The following SPNS2 variants were observed in gnomAD, a reference collection of about 807,000 sequenced individuals.
SPNS2 encodes SPNS lysolipid transporter 2, sphingosine-1-phosphate, also known as sphingosine-1-phosphate transporter SPNS2.
Under a neutral mutation model 57.6 loss-of-function variants are expected in SPNS2, and 37 were observed. The observed-to-expected ratio is 0.64, with a 90% CI of 0.49 to 0.85. SPNS2 has a LOEUF of 0.85. Among genes scored for constraint, SPNS2 ranks in the 40% least tolerant of loss-of-function variants. The pLI is 0.00. For missense variants in SPNS2, 831 were observed against 779.1 expected, an observed-to-expected ratio of 1.07 and a Z score of -0.79; for synonymous variants, 440 against 346.9, an observed-to-expected ratio of 1.27 and a Z score of -2.98.
Position 4,538,131 on chromosome 17 carries a change from C to T in SPNS2, c.*683C>T, listed in dbSNP as rs1169232071. 2.0e-5 allele frequency: 6 copies of T among 303,078 alleles called. No individual in the cohort carries two copies. Among genetic ancestry groups the T allele is most frequent in the Non-Finnish European group, 3.3e-5 (5 of 152,902 alleles). 18.8% of individuals were successfully genotyped at this position (303,078 alleles called of 1,614,324 possible). The stretch of plus-strand genomic sequence containing the variant: ...GATGGGGACTGTTCTGACAAGCTGG[C>T]ATCACCAGGGGTGAAGGCCCTGGCT... On this transcript the variant is annotated 3_prime_UTR_variant, in exon 13 of 13. Coordinates refer to ENST00000329078, the MANE Select transcript of SPNS2 (RefSeq NM_001124758.3).
rs536591481 is a variant in SPNS2 at position 4,512,663 on chromosome 17, T to C, written c.371-584T>C. On this transcript the variant is annotated intron_variant, in intron 1 of 12. Coordinates refer to ENST00000329078, the MANE Select transcript of SPNS2 (RefSeq NM_001124758.3). This position sits in a 1 kb window ranked among gnomAD's most constrained non-coding sequence, Gnocchi z 5.2. ...GTGTGTGCGTGCGCGCGCACGGGTA[T>C]GTGTGTGCGCGCGTGGGTGTGTATG... is the stretch of plus-strand genomic sequence containing the variant. 1.9e-4 allele frequency among the ~76,000 whole-genome samples: 29 copies of C among 150,872 alleles called. No homozygotes were observed. The highest frequency in any genetic ancestry group is 6.1e-4 in the African/African-American group (25 of 41,172).
At chr17:4,519,475 A>T (rs1256811419) in intron 2 of SPNS2, among the ~76,000 whole-genome samples, 2 of 151,988 alleles carry the variant, frequency 1.3e-5, no homozygotes, top group African/African-American at 2.4e-5. Flanking sequence ...AGGAGGAGGG[A>T]GTGAGGCCCT....
rs1318513142 is a variant in SPNS2, at chr17:4,512,100, G to A, written c.371-1147G>A. ...TTCGGCAAACCATCATCTGTTGAAT[G>A]CTGCCATCATCATCGTCATCATGAA... On this transcript the variant is annotated intron_variant, in intron 1 of 12. Transcript: ENST00000329078. The surrounding 1 kb of genome is among the most constrained non-coding windows in gnomAD (Gnocchi z 5.2). 1.3e-5 allele frequency among the ~76,000 whole-genome samples: 2 copies of A among 152,216 alleles called. No individual in the cohort carries two copies. The highest frequency in any genetic ancestry group is 4.8e-5 in the African/African-American group (2 of 41,442).
In SPNS2 at chr17:4,499,732, GTC is replaced by G. The variant is rs1045933910; in HGVS notation, c.370+321_370+322del. 7.9e-5 allele frequency: 19 copies of G among 240,980 alleles called. No homozygotes were observed. The highest frequency in any genetic ancestry group is 3.4e-4 in the African/African-American group (14 of 41,178). The allele number at this position is 240,980 out of a possible 1,614,324, so 14.9% of individuals were successfully genotyped here. ...CCTCCTCTCCAAGAGTCTCCTCTGC[GTC>G]TCTCTGTCTCCTTGTCTCTGCGCCC... On this transcript the variant is annotated intron_variant, in intron 1 of 12. Transcript: ENST00000329078. The surrounding 1 kb of genome is among the most constrained non-coding windows in gnomAD (Gnocchi z 5.2).
At chr17:4,532,397 A>G (rs928897868) in intron 5 of SPNS2, 145 bp from the exon 6 acceptor site, 2 of 1,220,282 alleles carry the variant, frequency 1.6e-6, no homozygotes, top group Non-Finnish European at 2.3e-6. Context: ...TTTTCTCAGC[A>G]GCCCAATTAG....
chr17:4,505,736 G>T (rs4790199), intron 1 of SPNS2, among the ~76,000 whole-genome samples: 90,311 of 151,736 alleles, frequency 0.6, 27,532 homozygotes, highest in Non-Finnish European at 0.67. Context: ...GAGAGGAGAG[G>T]AGAGCATCGG....
At chr17:4,515,826 G>A (rs1009531374) in intron 2 of SPNS2, among the ~76,000 whole-genome samples, 7 of 152,248 alleles carry the variant, frequency 4.6e-5, no homozygotes, top group Non-Finnish European at 1.0e-4. Context: ...CAGGAGACAG[G>A]GAGTGGGGGT....
At chr17:4,501,074 G>A (rs1225488398) in intron 1 of SPNS2, among the ~76,000 whole-genome samples, 1 of 152,208 alleles carries the variant, frequency 6.6e-6, no homozygotes, top group Non-Finnish European at 1.5e-5. Context: ...AAAGGCTTCT[G>A]TACACAGATA....
At chr17:4,525,245 G>A (rs78412357) in intron 3 of SPNS2, 52 bp downstream of exon 3, 58 of 1,597,654 alleles carry the variant, frequency 3.6e-5, no homozygotes, top group East Asian at 2.5e-4. Context: ...TCCCTCCAGC[G>A]AGTGGCTAGT....
chr17:4,533,032 G>T lies in SPNS2; in HGVS notation c.991G>T (p.Ala331Ser). Residue 331 changes from alanine to serine, a missense_variant, in exon 7 of 13, where the codon GCC (alanine) becomes TCC (serine). By Grantham distance (99) the Ala-to-Ser change is moderately conservative (BLOSUM62 1). Around this residue, in one of 2 missense-constraint regions of SPNS2, gnomAD observed 526 missense variants for 400.9 expected, o/e 1.31. Transcript: ENST00000329078. ...ATSAVSFATGALGMWIPLYLH... is the reference protein window; with the variant it reads ...ATSAVSFATGSLGMWIPLYLH... ...GTCGGCTGTCTCCTTCGCCACGGGGGCCCTGGGCATGTGGATCCCGCTCTA... is the reference window on the plus strand; with the variant it reads ...GTCGGCTGTCTCCTTCGCCACGGGGTCCCTGGGCATGTGGATCCCGCTCTA... The T allele has an allele frequency of 6.2e-7, 1 of 1,613,380 alleles. No homozygotes were observed. Among genetic ancestry groups the T allele is most frequent in the South Asian group, 1.1e-5 (1 of 91,068 alleles).
intron 1 of SPNS2, among the ~76,000 whole-genome samples, chr17:4,507,457 G>A (rs1041229046): frequency 6.6e-6 from 1 of 152,246 alleles, no homozygotes; most frequent in African/African-American, 2.4e-5. Flanking sequence ...GACCTACTAT[G>A]TGCCAGGCAC....
In SPNS2 at chr17:4,538,110, G is replaced by C. The variant is rs1000674718; in HGVS notation, c.*662G>C. ...GCTCCCAGCCTGGAGGTCCCAGATG[G>C]GGACTGTTCTGACAAGCTGGCATCA... is the stretch of plus-strand genomic sequence containing the variant. On this transcript the variant is annotated 3_prime_UTR_variant, in exon 13 of 13. Transcript: ENST00000329078. 1 of 330,308 alleles carries C rather than the reference G, an allele frequency of 3.0e-6. No individual in the cohort carries two copies. Among genetic ancestry groups the C allele is most frequent in the African/African-American group, 2.2e-5 (1 of 46,418 alleles). 20.5% of individuals were successfully genotyped at this position (330,308 alleles called of 1,614,324 possible).
intron 1 of SPNS2, among the ~76,000 whole-genome samples, chr17:4,505,518 G>A (rs188972943): frequency 1.3e-5 from 2 of 152,338 alleles, no homozygotes; most frequent in Middle Eastern, 3.4e-3. Flanking sequence ...CCCTGACAAT[G>A]AGGCCGCGCA....
Position 4,538,778 on chromosome 17 carries a change from A to G in SPNS2, c.*1330A>G. 1.4e-6 allele frequency: 1 copy of G among 736,638 alleles called. No individual in the cohort carries two copies. Among genetic ancestry groups the G allele is most frequent in the South Asian group, 1.4e-5 (1 of 69,374 alleles). 45.6% of individuals were successfully genotyped at this position (736,638 alleles called of 1,614,324 possible). A position where few individuals can be genotyped will look rare whatever the true frequency, so the allele number is the denominator to read the frequency against. On this transcript the variant is annotated 3_prime_UTR_variant, in exon 13 of 13. Transcript: ENST00000329078. ...ATACTCACCCACCAAGCTCTGGGGT[A>G]CCCCGAGGGCCTGACAAGAGGATGG...
chr17:4,506,495 G>A (rs936562226), intron 1 of SPNS2, among the ~76,000 whole-genome samples: 4 of 152,170 alleles, frequency 2.6e-5, no homozygotes, highest in African/African-American at 7.2e-5. Flanking sequence ...AGGAGTAGCC[G>A]TGCAAAGCCC....
chr17:4,533,536 G>A lies in SPNS2; in HGVS notation c.1278+104G>A, dbSNP rs573180231. On this transcript the variant is annotated intron_variant, in intron 8 of 12. Coordinates refer to ENST00000329078, the MANE Select transcript of SPNS2 (RefSeq NM_001124758.3). Reference sequence around the variant, plus strand: ...GACTTACTGGATGTTCCCTTCCCTCGGGGAGGCTCCTATTCTCTGGCTGCC... The same window carrying A: ...GACTTACTGGATGTTCCCTTCCCTCAGGGAGGCTCCTATTCTCTGGCTGCC... 56 of 1,292,904 alleles carry A rather than the reference G, an allele frequency of 4.3e-5. No individual in the cohort carries two copies. The Admixed American group carries it at 6.5e-4, about 15-fold the overall frequency. 80.1% of individuals were successfully genotyped at this position (1,292,904 alleles called of 1,614,324 possible).
chr17:4,506,832 AC>A (rs531983792), intron 1 of SPNS2, among the ~76,000 whole-genome samples: 267 of 152,230 alleles, frequency 1.8e-3, no homozygotes, highest in South Asian at 3.5e-3. Flanking sequence ...GGAGTAGGGG[AC>A]CAGCAGATGT....
Position 4,533,778 on chromosome 17 carries a change from T to G in SPNS2, c.1279-10T>G. The G allele has an allele frequency of 6.2e-7, 1 of 1,613,698 alleles. No homozygotes were observed. ...GACCGCTGATGGTGGCTTTGCCTTC[T>G]CCCCGGCAGATCTGTATCTTCGTCG... On this transcript the variant is annotated splice_polypyrimidine_tract_variant and intron_variant, in intron 8 of 12. Transcript: ENST00000329078.
chr17:4,514,494 A>G (rs1215187883), intron 2 of SPNS2, among the ~76,000 whole-genome samples: 1 of 152,212 alleles, frequency 6.6e-6, no homozygotes, highest in African/African-American at 2.4e-5. Flanking sequence ...CTCCCTTCCT[A>G]GCTGTCCTTA....
Sources: gnomAD v4.1 joint callset for allele counts (sites outside exome capture counted in the v4.1 genomes callset) on GRCh38, gnomAD v4.1.1 for gene constraint, gnomAD v4.1.1 regional missense constraint, Gnocchi (gnomAD v3.1) non-coding constraint, MANE v1.5 for transcripts, NCBI Gene and HGNC (gene_info 2026-07-23, HGNC 2026-07-21) for gene names.